Variants in CSMD1 observed in about 807,000 individuals in gnomAD.
CSMD1 encodes CUB and sushi domain-containing protein 1.
A neutral mutation model predicts 417.5 loss-of-function variants in CSMD1; 213 were observed. The ratio of observed to expected loss-of-function variants is 0.51; its 90% CI spans 0.46 to 0.57. The LOEUF is 0.57. CSMD1 is among the 20% of genes least tolerant of loss of function. The probability of loss-of-function intolerance (pLI) is 0.00; values close to 1 mark genes in which losing one functional copy is unlikely to be tolerated. For missense variants in CSMD1, 6,923 were observed against 4,529.7 expected, an observed-to-expected ratio of 1.53 and a Z score of -15.17; for synonymous variants, 2,862 against 1,736.8, an observed-to-expected ratio of 1.65 and a Z score of -16.11.
rs567058873 is a variant in CSMD1, at chr8:4,735,570, C to T, written c.86-98012G>A. 5.3e-5 allele frequency among the ~76,000 whole-genome samples: 8 copies of T among 152,240 alleles called. No homozygotes were observed. The East Asian group carries it at 1.5e-3, about 29-fold the overall frequency. ...GGTCTCTTCCCTAGAAGCCCACATA[C>T]AGCTAAGAAAAGAAGTGAAAGACAA... On this transcript the variant is annotated intron_variant, in intron 1 of 69. Transcript: ENST00000635120.
chr8:4,372,501 C>A (rs1196775293), intron 3 of CSMD1, among the ~76,000 whole-genome samples: 2 of 147,424 alleles, frequency 1.4e-5, no homozygotes, highest in African/African-American at 5.1e-5. Flanking sequence ...CAACAAAAAA[C>A]AGAAAAAAAG....
At chr8:4,159,107 G>A (rs1346608461) in intron 3 of CSMD1, among the ~76,000 whole-genome samples, 1 of 152,014 alleles carries the variant, frequency 6.6e-6, no homozygotes, top group Admixed American at 6.6e-5. Context: ...GTAGAGACGA[G>A]GCTTCTCCAT....
chr8:3,501,960 A>T (rs1228168876), intron 10 of CSMD1, among the ~76,000 whole-genome samples: 1 of 152,226 alleles, frequency 6.6e-6, no homozygotes, highest in African/African-American at 2.4e-5. Context: ...ACATACAACA[A>T]TCATTGCTGA....
Position 4,567,005 on chromosome 8 carries a change from T to C in CSMD1, c.302+70337A>G, listed in dbSNP as rs544600991. 2.6e-5 allele frequency among the ~76,000 whole-genome samples: 4 copies of C among 152,246 alleles called. No homozygotes were observed. The East Asian group carries it at 5.8e-4, about 22-fold the overall frequency. On this transcript the variant is annotated intron_variant, in intron 2 of 69. Transcript: ENST00000635120. Reference sequence around the variant, plus strand: ...TCACTTTCTCCAATGAAATCCTGTATGTATTTTTCAAGGTATTAACTGGCG... The same window carrying C: ...TCACTTTCTCCAATGAAATCCTGTACGTATTTTTCAAGGTATTAACTGGCG...
intron 5 of CSMD1, among the ~76,000 whole-genome samples, chr8:3,984,128 C>A (rs1814129221): frequency 6.6e-6 from 1 of 151,934 alleles, no homozygotes; most frequent in Non-Finnish European, 1.5e-5. Context: ...CACAGCAGAT[C>A]TGATGGGGCT....
chr8:4,019,175 A>C (rs1796665012), intron 4 of CSMD1, among the ~76,000 whole-genome samples: 1 of 152,210 alleles, frequency 6.6e-6, no homozygotes. Context: ...AAAGCAGCTC[A>C]ACAGTCCAAG....
intron 57 of CSMD1, among the ~76,000 whole-genome samples, chr8:2,966,979 T>G (rs1045759172): frequency 6.6e-6 from 1 of 152,248 alleles, no homozygotes; most frequent in Admixed American, 6.5e-5. Flanking sequence ...TAAAGTGAAC[T>G]ATTTCTAAAC....
At chr8:4,180,317 T>C (rs1220565557) in intron 3 of CSMD1, among the ~76,000 whole-genome samples, 1 of 151,584 alleles carries the variant, frequency 6.6e-6, no homozygotes, top group Non-Finnish European at 1.5e-5. Flanking sequence ...GTCAGTAAAC[T>C]ATTGCAAGGA....
chr8:3,900,517 G>T (rs1807673189), intron 5 of CSMD1, among the ~76,000 whole-genome samples: 1 of 152,008 alleles, frequency 6.6e-6, no homozygotes, highest in Non-Finnish European at 1.5e-5. Flanking sequence ...AGAGCTGGAT[G>T]ACACTACAGC....
chr8:4,970,374 C>T lies in CSMD1; in HGVS notation c.85+23958G>A, dbSNP rs188310711. 6.2e-4 allele frequency among the ~76,000 whole-genome samples: 94 copies of T among 152,182 alleles called. 2 individuals carry two copies. The East Asian group carries it at 8.3e-3, about 13-fold the overall frequency. ...CAAAAAGATTCAAAAATGGTATCAG[C>T]TTTTATGCTAATGTTATCATTATTT... is the stretch of plus-strand genomic sequence containing the variant. On this transcript the variant is annotated intron_variant, in intron 1 of 69. Transcript: ENST00000635120.
At chr8:4,860,320 G>A (rs1802051868) in intron 1 of CSMD1, among the ~76,000 whole-genome samples, 2 of 151,166 alleles carry the variant, frequency 1.3e-5, no homozygotes, top group Admixed American at 1.3e-4. Flanking sequence ...TAGATGACAT[G>A]TTAGTGGGTG....
At chr8:2,985,374 CTG>C (rs552463553) in intron 54 of CSMD1, among the ~76,000 whole-genome samples, 8 of 119,610 alleles carry the variant, frequency 6.7e-5, no homozygotes, top group East Asian at 4.0e-4. Context: ...AGGCAGGAGA[CTG>C]TGGTGTGATA....
intron 1 of CSMD1, among the ~76,000 whole-genome samples, chr8:4,705,667 C>T (rs544493945): frequency 3.3e-5 from 5 of 152,210 alleles, no homozygotes; most frequent in Non-Finnish European, 4.4e-5. Flanking sequence ...CCTTGTATCT[C>T]GTGTCATATG....
In CSMD1 at chr8:4,377,664, G is replaced by T. The variant is rs183260229; in HGVS notation, c.415+42289C>A. 1.9e-3 allele frequency among the ~76,000 whole-genome samples: 287 copies of T among 152,244 alleles called. 1 individual carries two copies. Among genetic ancestry groups the T allele is most frequent in the African/African-American group, 6.6e-3 (274 of 41,552 alleles). On this transcript the variant is annotated intron_variant, in intron 3 of 69. Coordinates refer to ENST00000635120, the MANE Select transcript of CSMD1 (RefSeq NM_033225.6). ...CATTTATAAGGTTCTTTTTAGCAAAGTATATATTTCTATTAAGCTTTTAAA... is the reference window on the plus strand; with the variant it reads ...CATTTATAAGGTTCTTTTTAGCAAATTATATATTTCTATTAAGCTTTTAAA...
At chr8:4,075,210 T>A (rs1338695811) in intron 3 of CSMD1, among the ~76,000 whole-genome samples, 1 of 152,182 alleles carries the variant, frequency 6.6e-6, no homozygotes, top group African/African-American at 2.4e-5. Flanking sequence ...TAAATAATAT[T>A]TCATTCTAGT....
At chr8:4,514,345 A>T (rs768135823) in intron 2 of CSMD1, among the ~76,000 whole-genome samples, 1 of 152,144 alleles carries the variant, frequency 6.6e-6, no homozygotes, top group Non-Finnish European at 1.5e-5. Flanking sequence ...ATATACGGCT[A>T]TACTGCAGAT....
At chr8:4,193,635 G>C (rs1188080112) in intron 3 of CSMD1, among the ~76,000 whole-genome samples, 1 of 152,040 alleles carries the variant, frequency 6.6e-6, no homozygotes, top group African/African-American at 2.4e-5. Flanking sequence ...TGCTGTCAAG[G>C]GAGGCCCAGT....
intron 2 of CSMD1, among the ~76,000 whole-genome samples, chr8:4,450,205 G>T (rs116409794): frequency 2.6e-5 from 4 of 152,222 alleles, no homozygotes; most frequent in African/African-American, 9.6e-5. Context: ...TGAAGTTACA[G>T]AGTACCTATA....
chr8:4,577,377 G>A (rs1055846269), intron 2 of CSMD1, among the ~76,000 whole-genome samples: 2 of 152,088 alleles, frequency 1.3e-5, no homozygotes, highest in Admixed American at 6.5e-5. Context: ...TAAACCTGTG[G>A]CACATTTCTT....
Sources: gnomAD v4.1 joint callset for allele counts (sites outside exome capture counted in the v4.1 genomes callset) on GRCh38, gnomAD v4.1.1 for gene constraint, MANE v1.5 for transcripts, NCBI Gene and HGNC (gene_info 2026-07-23, HGNC 2026-07-21) for gene names.